Variants in COL12A1 observed in about 807,000 individuals in gnomAD.
COL12A1 encodes the protein collagen type XII alpha 1 chain.
A neutral mutation model predicts 349.7 loss-of-function variants in COL12A1; 114 were observed. That is an observed-to-expected ratio of 0.33 (90% CI 0.28 to 0.38). The LOEUF is 0.38. COL12A1 is among the 10% of genes least tolerant of loss of function. The probability of loss-of-function intolerance (pLI) is 1.00; values close to 1 mark genes in which losing one functional copy is unlikely to be tolerated. For missense variants in COL12A1, 3,284 were observed against 3,756.9 expected (o/e 0.87, Z 3.29); for synonymous variants, 1,369 against 1,329.0 (o/e 1.03, Z -0.66).
intron 47 of COL12A1, among the ~76,000 whole-genome samples, chr6:75,117,162 T>C (rs1471135575): frequency 6.6e-6 from 1 of 152,184 alleles, no homozygotes; most frequent in African/African-American, 2.4e-5. Flanking sequence ...AACACTTTAT[T>C]TCCACACAAG....
intron 14 of COL12A1, among the ~76,000 whole-genome samples, chr6:75,163,429 A>G (rs898356723): frequency 3.3e-5 from 5 of 152,196 alleles, no homozygotes; most frequent in East Asian, 1.9e-4. Context: ...ACCAAACACC[A>G]TATGTTCTCA....
At chr6:75,191,646 T>G (rs1769935113) in intron 5 of COL12A1, 55 bp downstream of exon 5, 8 of 1,225,354 alleles carry the variant, frequency 6.5e-6, no homozygotes, top group South Asian at 2.7e-5. Flanking sequence ...ATCTGTTCTA[T>G]CCTACATTTA....
At chr6:75,175,397 C>G in intron 12 of COL12A1, 87 bp from the exon 13 acceptor site, 2 of 1,437,464 alleles carry the variant, frequency 1.4e-6, no homozygotes, top group South Asian at 1.4e-5. Flanking sequence ...TATGCATGTG[C>G]ACTACATCAA....
At chr6:75,104,643 G>A (rs1768458603) in intron 54 of COL12A1, among the ~76,000 whole-genome samples, 2 of 152,160 alleles carry the variant, frequency 1.3e-5, no homozygotes, top group Non-Finnish European at 2.9e-5. Context: ...AATCTTCAAT[G>A]TTTTGCCTTG....
At chr6:75,205,253 C>A (rs1770721441) in intron 1 of COL12A1, among the ~76,000 whole-genome samples, 1 of 150,148 alleles carries the variant, frequency 6.7e-6, no homozygotes, top group Admixed American at 6.7e-5. Flanking sequence ...GAGGAAGGAG[C>A]CAGAACACTC....
At chr6:75,128,551 C>T (rs1050018385) in intron 37 of COL12A1, 126 bp from the exon 38 acceptor site, 8 of 761,454 alleles carry the variant, frequency 1.1e-5, no homozygotes, top group South Asian at 4.8e-5. Flanking sequence ...TTTTGTTACA[C>T]AATGCTCGTG....
intron 60 of COL12A1, 117 bp from the exon 61 acceptor site, chr6:75,091,642 C>T (rs1767772008): frequency 1.3e-5 from 12 of 935,710 alleles, no homozygotes; most frequent in Non-Finnish European, 2.0e-5. Flanking sequence ...AGCAAAATGA[C>T]ACATCACATT....
At position 75,090,043 on chromosome 6, in the gene COL12A1, A is replaced by T. The variant is rs958636098; in HGVS notation, c.8941+67T>A. 1.3e-6 allele frequency: 2 copies of T among 1,564,086 alleles called. No individual in the cohort carries two copies. Among genetic ancestry groups the T allele is most frequent in the African/African-American group, 1.4e-5 (1 of 73,964 alleles). On this transcript the variant is annotated intron_variant, in intron 63 of 65. Transcript: ENST00000322507. This position sits in a 1 kb window ranked among gnomAD's most constrained non-coding sequence, Gnocchi z 4.1. ...CTAGGTCACCTTTCAGATGCCTTCA[A>T]CCTGTCCCAACTCCTACATTTGCAA...
intron 2 of COL12A1, among the ~76,000 whole-genome samples, chr6:75,201,149 G>A (rs1582230626): frequency 6.6e-6 from 1 of 152,110 alleles, no homozygotes; most frequent in Non-Finnish European, 1.5e-5. Context: ...AACTCTTTCT[G>A]ATTTTCAAAT....
At chr6:75,136,449 T>C (rs963682285) in intron 31 of COL12A1, among the ~76,000 whole-genome samples, 4 of 152,212 alleles carry the variant, frequency 2.6e-5, no homozygotes, top group Non-Finnish European at 5.9e-5. Context: ...CTAAGCTTAC[T>C]TACTGGGTAG....
chr6:75,091,715 CTCTT>C (rs533239441), intron 60 of COL12A1, among the ~76,000 whole-genome samples, 190 bp from the exon 61 acceptor site: 72 of 152,238 alleles, frequency 4.7e-4, no homozygotes, highest in Admixed American at 1.5e-3. Flanking sequence ...CTCTCTCTCT[CTCTT>C]TCTCTCTCTC....
chr6:75,155,107 T>C (rs966248082), intron 16 of COL12A1, among the ~76,000 whole-genome samples: 1 of 152,212 alleles, frequency 6.6e-6, no homozygotes, highest in African/African-American at 2.4e-5. Context: ...GTAATGAATG[T>C]AGGGTGCTGT....
chr6:75,122,078 C>T (rs989912931), intron 43 of COL12A1, among the ~76,000 whole-genome samples: 2 of 151,948 alleles, frequency 1.3e-5, no homozygotes, highest in Non-Finnish European at 2.9e-5. Context: ...ATGATGGTCT[C>T]GATCCACCTG....
intron 3 of COL12A1, 43 bp from the exon 4 acceptor site, chr6:75,192,398 T>A (rs1769979067): frequency 6.5e-7 from 1 of 1,542,816 alleles, no homozygotes; most frequent in Admixed American, 1.7e-5. Context: ...ACAAAACATT[T>A]TTCACATATA....
rs941207953 is a variant in COL12A1, at chr6:75,110,844, G to A, written c.7951-1677C>T. On this transcript the variant is annotated intron_variant, in intron 51 of 65. Coordinates refer to ENST00000322507, the MANE Select transcript of COL12A1 (RefSeq NM_004370.6). ...AAAAACTTCAATTCAGGAATTAGAC[G>A]GAAAGTGAAGAAAGAGTGCTTGAAT... Among the ~76,000 whole-genome samples, 6 of 152,038 alleles carry A rather than the reference G, an allele frequency of 3.9e-5. No homozygotes were observed. In the East Asian group the frequency reaches 7.7e-4, roughly 20 times the overall value.
chr6:75,205,641 C>T lies in COL12A1; in HGVS notation c.-36+136G>A, dbSNP rs75177077. Reference sequence around the variant, plus strand: ...TATACAAGGCAACGCTCTAGCCCACCTACACTATTACAAGTCCAAACTGTC... The same window carrying T: ...TATACAAGGCAACGCTCTAGCCCACTTACACTATTACAAGTCCAAACTGTC... On this transcript the variant is annotated intron_variant, in intron 1 of 65. Transcript: ENST00000322507. 7.8e-3 allele frequency: 1,194 copies of T among 152,540 alleles called. 45 individuals are homozygous for T. The East Asian group carries it at 0.12, about 16-fold the overall frequency. The allele number at this position is 152,540 out of a possible 1,614,324, so 9.4% of individuals were successfully genotyped here. A position where few individuals can be genotyped will look rare whatever the true frequency, so the allele number is the denominator to read the frequency against.
chr6:75,154,694 G>T (rs1008016957), intron 16 of COL12A1, among the ~76,000 whole-genome samples, 157 bp from the exon 17 acceptor site: 2 of 151,982 alleles, frequency 1.3e-5, no homozygotes, highest in Non-Finnish European at 2.9e-5. Context: ...AATAATTTCC[G>T]CCTCTTTCTC....
chr6:75,153,041 T>C (rs985284599), intron 17 of COL12A1, among the ~76,000 whole-genome samples: 12 of 152,150 alleles, frequency 7.9e-5, no homozygotes, highest in Non-Finnish European at 1.6e-4. Context: ...CTACCACATA[T>C]ATATGAAGGA....
rs1189807422 is a variant in COL12A1 at position 75,119,102 on chromosome 6, A to G, written c.7295T>C (p.Val2432Ala). Residue 2432 changes from valine (V) to alanine (A), a missense_variant, in exon 46 of 66, where the codon GTC (valine) becomes GCC (alanine). Val to Ala is a moderately conservative substitution (Grantham distance 64, BLOSUM62 0). This residue lies in a region of COL12A1 where 683 missense variants were observed against 932.1 expected (regional missense o/e 0.73). Coordinates refer to ENST00000322507, the MANE Select transcript of COL12A1 (RefSeq NM_004370.6). ...RKNVPKVLVV[V>A]TDGRSQDEVK... ...CTCATCCTGGGACCGACCGTCCGTG[A>G]CCACAACCAACACCTTAGGGACATT... 1 of 1,614,020 alleles carries G rather than the reference A, an allele frequency of 6.2e-7. No individual in the cohort carries two copies. The highest frequency in any genetic ancestry group is 8.5e-7 in the Non-Finnish European group (1 of 1,179,922).
Sources: gnomAD v4.1 joint callset for allele counts (sites outside exome capture counted in the v4.1 genomes callset) on GRCh38, gnomAD v4.1.1 for gene constraint, gnomAD v4.1.1 regional missense constraint, Gnocchi (gnomAD v3.1) non-coding constraint, MANE v1.5 for transcripts, NCBI Gene and HGNC (gene_info 2026-07-23, HGNC 2026-07-21) for gene names.